The following ATG7 variants were observed in gnomAD, a reference collection of about 807,000 sequenced individuals.
The protein encoded by ATG7 is autophagy related 7.
In ATG7, 70 loss-of-function variants were observed where a neutral mutation model predicts 82.4. The observed-to-expected ratio is 0.85, with a 90% confidence interval of 0.70 to 1.04. The LOEUF (loss-of-function observed/expected upper bound fraction) is 1.04, where lower values mean the gene tolerates loss of function less well. Among genes scored for constraint, ATG7 ranks in the 50% least tolerant of loss-of-function variants. The pLI is 0.00. For synonymous variants in ATG7, 287 were observed against 313.0 expected, an observed-to-expected ratio of 0.92 and a Z score of 0.88; for missense variants, 792 against 864.3, an observed-to-expected ratio of 0.92 and a Z score of 1.05.
chr3:11,497,173 C>A (rs1333944796), intron 20 of ATG7, among the ~76,000 whole-genome samples: 1 of 151,148 alleles, frequency 6.6e-6, no homozygotes, highest in Non-Finnish European at 1.5e-5. Flanking sequence ...TCTGATGAAA[C>A]CTTTATTGTA....
At chr3:11,300,020 G>A (rs942591566) in intron 5 of ATG7, among the ~76,000 whole-genome samples, 6 of 151,840 alleles carry the variant, frequency 4.0e-5, no homozygotes, top group African/African-American at 1.5e-4. Context: ...TTCCTCCTGA[G>A]TTCAAGCTTT....
chr3:11,335,725 C>G (rs1002065199), intron 11 of ATG7, among the ~76,000 whole-genome samples: 9 of 152,200 alleles, frequency 5.9e-5, no homozygotes, highest in South Asian at 2.1e-4. Context: ...GAGACAGAGT[C>G]TTGCCCTGTC....
chr3:11,475,908 C>CACACACACACACACACACACACACACA (rs59230356), intron 20 of ATG7, among the ~76,000 whole-genome samples: 1 of 145,560 alleles, frequency 6.9e-6, no homozygotes. Flanking sequence ...CACACACACA[C>CACACACACACACACACACACACACACA]CCCCTCCCAG....
chr3:11,340,857 T>G, intron 12 of ATG7, 122 bp downstream of exon 12: 2 of 765,500 alleles, frequency 2.6e-6, no homozygotes, highest in Non-Finnish European at 4.3e-6. Context: ...TGCTGCCGTG[T>G]GTTACTCTGC....
At chr3:11,542,984 G>A (rs2070959177) in intron 20 of ATG7, among the ~76,000 whole-genome samples, 1 of 152,140 alleles carries the variant, frequency 6.6e-6, no homozygotes, top group African/African-American at 2.4e-5. Flanking sequence ...CTCTGGAGGT[G>A]GCATGCCAGC....
intron 20 of ATG7, among the ~76,000 whole-genome samples, chr3:11,432,677 T>C (rs1347297554): frequency 6.6e-6 from 1 of 152,158 alleles, no homozygotes; most frequent in African/African-American, 2.4e-5. Context: ...CTTGGACAGA[T>C]AGCCGTATTC....
At chr3:11,471,264 C>A (rs1023322377) in intron 20 of ATG7, among the ~76,000 whole-genome samples, 4 of 152,172 alleles carry the variant, frequency 2.6e-5, no homozygotes, top group Non-Finnish European at 4.4e-5. Flanking sequence ...TCCTCTCAAG[C>A]TGGCCCTGGC....
intron 20 of ATG7, among the ~76,000 whole-genome samples, chr3:11,525,573 T>A (rs1343067870): frequency 1.4e-5 from 2 of 142,372 alleles, no homozygotes; most frequent in Non-Finnish European, 3.0e-5. Flanking sequence ...TTTTTTTTTT[T>A]AAACGGAGTC....
At chr3:11,506,133 A>T (rs959843006) in intron 20 of ATG7, among the ~76,000 whole-genome samples, 2 of 152,098 alleles carry the variant, frequency 1.3e-5, no homozygotes, top group East Asian at 3.9e-4. Flanking sequence ...TTTCCCTAGT[A>T]CATTTATTAT....
chr3:11,422,769 T>TTTTTTTTTTTTTTTTTTTG (rs1386943052), intron 19 of ATG7, among the ~76,000 whole-genome samples: 3 of 102,628 alleles, frequency 2.9e-5, no homozygotes, highest in African/African-American at 1.2e-4. Flanking sequence ...TTTTTTTTTT[T>TTTTTTTTTTTTTTTTTTTG]GGAGACAGAG....
chr3:11,418,806 T>G (rs1360937155), intron 19 of ATG7, among the ~76,000 whole-genome samples: 1 of 152,146 alleles, frequency 6.6e-6, no homozygotes, highest in Admixed American at 6.5e-5. Flanking sequence ...AGTTCCACAT[T>G]GCTGGGGAGG....
At chr3:11,478,375 T>G (rs2088508804) in intron 20 of ATG7, among the ~76,000 whole-genome samples, 1 of 152,226 alleles carries the variant, frequency 6.6e-6, no homozygotes, top group Admixed American at 6.5e-5. Flanking sequence ...TAATCATTAT[T>G]GAGAACCAAA....
chr3:11,340,538 GC>G, intron 11 of ATG7, 106 bp from the exon 12 acceptor site: 1 of 944,538 alleles, frequency 1.1e-6, no homozygotes, highest in Non-Finnish European at 1.6e-6. Context: ...GCTTGTCAAT[GC>G]ATGGGCCATT....
chr3:11,305,090 A>T (rs1461843525), intron 5 of ATG7, among the ~76,000 whole-genome samples: 3 of 152,168 alleles, frequency 2.0e-5, no homozygotes, highest in Non-Finnish European at 4.4e-5. Flanking sequence ...ATTTCATGTA[A>T]GTGGAACCAT....
intron 20 of ATG7, among the ~76,000 whole-genome samples, chr3:11,460,092 C>T (rs368984185): frequency 1.3e-5 from 2 of 152,178 alleles, no homozygotes; most frequent in East Asian, 1.9e-4. Context: ...CAATAATAAC[C>T]AGTTTAAATG....
chr3:11,497,293 C>G (rs1453484466), intron 20 of ATG7, among the ~76,000 whole-genome samples: 1 of 142,776 alleles, frequency 7.0e-6, no homozygotes, highest in Non-Finnish European at 1.5e-5. Context: ...GGGTGGATCA[C>G]TTGAGGTCAG....
intron 14 of ATG7, among the ~76,000 whole-genome samples, chr3:11,355,090 G>A (rs1485473073): frequency 6.6e-6 from 1 of 152,218 alleles, no homozygotes; most frequent in African/African-American, 2.4e-5. Context: ...GTAGCACCTT[G>A]AGTCTTTGAC....
chr3:11,510,042 TC>T, intron 20 of ATG7: 1 of 316,204 alleles, frequency 3.2e-6, no homozygotes, highest in Non-Finnish European at 6.3e-6. Flanking sequence ...CCTGTTTTCC[TC>T]CAAGACTAGG....
At chr3:11,383,871 TTC>T (rs909755363) in intron 19 of ATG7, among the ~76,000 whole-genome samples, 2 of 152,078 alleles carry the variant, frequency 1.3e-5, no homozygotes, top group African/African-American at 4.8e-5. Context: ...TTGTGCATAG[TTC>T]TTTTTTTCCT....
Sources: allele counts gnomAD v4.1 joint callset (sites outside exome capture counted in the v4.1 genomes callset), GRCh38; gene constraint gnomAD v4.1.1; transcripts MANE v1.5; gene names NCBI Gene and HGNC (gene_info 2026-07-23, HGNC 2026-07-21).